The following MARCHF1 variants were observed in gnomAD, a reference collection of about 807,000 sequenced individuals.
MARCHF1 encodes the protein E3 ubiquitin-protein ligase MARCHF1.
Under a neutral mutation model 54.2 loss-of-function variants are expected in MARCHF1, and 40 were observed. The observed-to-expected ratio is 0.74, with a 90% CI of 0.57 to 0.96. The LOEUF (loss-of-function observed/expected upper bound fraction) is 0.96. Among genes scored for constraint, MARCHF1 ranks in the 40% least tolerant of loss-of-function variants. The probability of loss-of-function intolerance (pLI) is 0.00; values close to 1 mark genes in which losing one functional copy is unlikely to be tolerated. For synonymous variants in MARCHF1, 236 were observed against 236.3 expected (o/e 1.00, Z 0.01); for missense variants, 586 against 656.5 (o/e 0.89, Z 1.17).
At chr4:164,084,000 C>G (rs140454537) in intron 2 of MARCHF1, among the ~76,000 whole-genome samples, 1 of 152,058 alleles carries the variant, frequency 6.6e-6, no homozygotes, top group East Asian at 1.9e-4. Context: ...GATATAAAAA[C>G]TCTCTAACTT....
At chr4:164,046,281 A>G (rs1207413284) in intron 2 of MARCHF1, among the ~76,000 whole-genome samples, 1 of 152,228 alleles carries the variant, frequency 6.6e-6, no homozygotes, top group Non-Finnish European at 1.5e-5. Context: ...CTATCTTCCA[A>G]GTCTTTTGCT....
chr4:164,374,728 A>G (rs1458105164), intron 1 of MARCHF1, among the ~76,000 whole-genome samples: 1 of 152,130 alleles, frequency 6.6e-6, no homozygotes. Context: ...GCTATTGTTA[A>G]TGGCACAGAA....
intron 2 of MARCHF1, among the ~76,000 whole-genome samples, chr4:164,022,747 C>T (rs927925473): frequency 3.0e-4 from 45 of 152,344 alleles, no homozygotes; most frequent in African/African-American, 1.1e-3. Context: ...TATCTCTAGT[C>T]CCAGCTGACA....
chr4:164,228,364 C>T (rs78345235), intron 1 of MARCHF1, among the ~76,000 whole-genome samples: 4,295 of 152,190 alleles, frequency 0.028, 78 homozygotes, highest in Non-Finnish European at 0.038. Flanking sequence ...CATGAGTTGA[C>T]CTAATTGAAT....
At chr4:163,760,056 A>AATCCAG (rs1414193235) in intron 4 of MARCHF1, among the ~76,000 whole-genome samples, 4 of 152,208 alleles carry the variant, frequency 2.6e-5, no homozygotes, top group Non-Finnish European at 5.9e-5. Context: ...CACTGGCTAA[A>AATCCAG]ATCCAGGTAT....
intron 8 of MARCHF1, among the ~76,000 whole-genome samples, chr4:163,559,962 T>C (rs1303271755): frequency 6.6e-6 from 1 of 152,216 alleles, no homozygotes; most frequent in Non-Finnish European, 1.5e-5. Flanking sequence ...GATTTCTTTA[T>C]TTATGTGGAA....
chr4:164,073,297 C>T (rs1266507563), intron 2 of MARCHF1, among the ~76,000 whole-genome samples: 1 of 152,102 alleles, frequency 6.6e-6, no homozygotes, highest in South Asian at 2.1e-4. Flanking sequence ...ACATATACAC[C>T]ATGGAATACT....
chr4:163,796,370 G>C (rs1187754271), intron 4 of MARCHF1, among the ~76,000 whole-genome samples: 2 of 151,874 alleles, frequency 1.3e-5, no homozygotes, highest in Non-Finnish European at 2.9e-5. Context: ...GGGATTACAG[G>C]TGTATGCCAC....
intron 4 of MARCHF1, among the ~76,000 whole-genome samples, chr4:163,748,003 CA>C (rs1187050326): frequency 1.3e-5 from 2 of 152,210 alleles, no homozygotes; most frequent in Non-Finnish European, 2.9e-5. Flanking sequence ...GGAGCCCACA[CA>C]ACCTGTAGGT....
intron 1 of MARCHF1, among the ~76,000 whole-genome samples, chr4:164,147,655 C>T (rs1432876547): frequency 4.2e-5 from 5 of 119,504 alleles, no homozygotes; most frequent in African/African-American, 6.2e-5. Context: ...GGGAACATCA[C>T]ACTCTGGGGC....
intron 1 of MARCHF1, among the ~76,000 whole-genome samples, chr4:164,203,249 T>A (rs746719528): frequency 1.3e-5 from 2 of 151,904 alleles, no homozygotes; most frequent in Non-Finnish European, 2.9e-5. Flanking sequence ...GCAATTTTAT[T>A]GGACATTCAG....
intron 9 of MARCHF1, among the ~76,000 whole-genome samples, chr4:163,536,669 T>C (rs961908005): frequency 6.6e-6 from 1 of 152,164 alleles, no homozygotes; most frequent in Non-Finnish European, 1.5e-5. Context: ...CTTTAGATGG[T>C]AGACAATCTA....
chr4:164,197,660 C>A (rs112480682), intron 1 of MARCHF1: 1 of 1,612,798 alleles, frequency 6.2e-7, no homozygotes, highest in Non-Finnish European at 8.5e-7. Flanking sequence ...TCTTTCACAT[C>A]AGAGGGCGCC....
rs1385981243 is a variant in MARCHF1, at chr4:163,560,528, T to A, written c.1192-14785A>T. ...GTTCTTTTGCATTCCACTTGAAGTT[T>A]AAAATTATTTTGGCAATTTATTTTA... On this transcript the variant is annotated intron_variant, in intron 8 of 9. Coordinates refer to ENST00000514618, the MANE Select transcript of MARCHF1 (RefSeq NM_001394959.1). 1.9e-4 allele frequency among the ~76,000 whole-genome samples: 29 copies of A among 152,224 alleles called. 1 individual carries two copies. Among genetic ancestry groups the A allele is most frequent in the Admixed American group, 1.9e-3 (29 of 15,294 alleles).
intron 5 of MARCHF1, among the ~76,000 whole-genome samples, chr4:163,671,656 T>C (rs538612801): frequency 1.3e-3 from 191 of 152,282 alleles, no homozygotes; most frequent in Non-Finnish European, 2.5e-3. Flanking sequence ...TATTTTCTTA[T>C]ATGTGTTTTC....
At chr4:164,211,357 C>CTATATATATATATATAT (rs1560956008) in intron 1 of MARCHF1, among the ~76,000 whole-genome samples, 1 of 100,084 alleles carries the variant, frequency 1.0e-5, no homozygotes, top group Non-Finnish European at 2.5e-5. Context: ...ATATATATAC[C>CTATATATATATATATAT]ACATTGCAAC....
At chr4:164,067,569 A>G (rs1237726258) in intron 2 of MARCHF1, among the ~76,000 whole-genome samples, 1 of 152,224 alleles carries the variant, frequency 6.6e-6, no homozygotes, top group Admixed American at 6.5e-5. Context: ...TTTGCCATAT[A>G]TAAAAATTAA....
intron 1 of MARCHF1, among the ~76,000 whole-genome samples, chr4:164,136,567 T>C (rs1453131999): frequency 2.0e-5 from 3 of 152,118 alleles, no homozygotes; most frequent in Non-Finnish European, 4.4e-5. Context: ...CTGAAAGCAA[T>C]TAGGCCTCCT....
intron 1 of MARCHF1, among the ~76,000 whole-genome samples, chr4:164,228,146 A>T (rs1732310628): frequency 6.6e-6 from 1 of 152,208 alleles, no homozygotes; most frequent in Non-Finnish European, 1.5e-5. Flanking sequence ...TGGTGGCAAC[A>T]TAAGCACCTG....
Sources: gnomAD v4.1 joint callset for allele counts (sites outside exome capture counted in the v4.1 genomes callset) on GRCh38, gnomAD v4.1.1 for gene constraint, MANE v1.5 for transcripts, NCBI Gene and HGNC (gene_info 2026-07-23, HGNC 2026-07-21) for gene names.